Variants in MKS1 observed in about 807,000 individuals in gnomAD.
MKS1 encodes the protein tectonic-like complex member MKS1.
A neutral mutation model predicts 83.7 loss-of-function variants in MKS1; 70 were observed. The ratio of observed to expected loss-of-function variants is 0.84; its 90% CI spans 0.69 to 1.02. The LOEUF (loss-of-function observed/expected upper bound fraction) is 1.02. MKS1 is among the 50% of genes least tolerant of loss of function. The pLI is 0.00. For missense variants in MKS1, 681 were observed against 726.9 expected (o/e 0.94, Z 0.73); for synonymous variants, 251 against 273.4 (o/e 0.92, Z 0.81).
chr17:58,206,249 G>A, intron 17 of MKS1, 34 bp downstream of exon 17: 1 of 1,613,808 alleles, frequency 6.2e-7, no homozygotes, highest in Non-Finnish European at 8.5e-7. Context: ...GGCCCATGCT[G>A]ACCTGGGGTG....
At chr17:58,211,339 G>C (rs1381776916) in intron 9 of MKS1, among the ~76,000 whole-genome samples, 2 of 152,236 alleles carry the variant, frequency 1.3e-5, no homozygotes, top group Non-Finnish European at 2.9e-5. Flanking sequence ...GATGGCTGAG[G>C]TCAAGAAACC....
At chr17:58,213,997 A>G in intron 6 of MKS1, 128 bp from the exon 7 acceptor site, 1 of 977,064 alleles carries the variant, frequency 1.0e-6, no homozygotes, top group South Asian at 1.4e-5. Context: ...ACTTTCTTCC[A>G]AGTACAACTA....
At position 58,209,337 on chromosome 17, in the gene MKS1, G is replaced by T. The variant is rs1250885365; in HGVS notation, c.1025-754C>A. On this transcript the variant is annotated intron_variant, in intron 11 of 17. Coordinates refer to ENST00000393119, the MANE Select transcript of MKS1 (RefSeq NM_017777.4). This position sits in a 1 kb window ranked among gnomAD's most constrained non-coding sequence, Gnocchi z 4.1. ...CTGCTATGTGCTAGTATATCTTAGG[G>T]GTATCTTGGTAACTAGATAGAAAAG... Among the ~76,000 whole-genome samples, 1 of 152,022 alleles carries T rather than the reference G, an allele frequency of 6.6e-6. No individual in the cohort carries two copies. The highest frequency in any genetic ancestry group is 1.5e-5 in the Non-Finnish European group (1 of 68,014).
chr17:58,217,471 A>C (rs1310559072), intron 2 of MKS1, among the ~76,000 whole-genome samples: 2 of 152,204 alleles, frequency 1.3e-5, no homozygotes, highest in Non-Finnish European at 2.9e-5. Flanking sequence ...TAGGAGACCA[A>C]GTGTAAGGAG....
At chr17:58,212,131 C>A (rs1968911423) in intron 9 of MKS1, among the ~76,000 whole-genome samples, 1 of 152,194 alleles carries the variant, frequency 6.6e-6, no homozygotes, top group African/African-American at 2.4e-5. Flanking sequence ...TAATCCCACC[C>A]TCCCCAGAGA....
At chr17:58,213,651 A>C in intron 7 of MKS1, 114 bp downstream of exon 7, 1 of 806,340 alleles carries the variant, frequency 1.2e-6, no homozygotes. Context: ...TTGCCTGGGA[A>C]TGTAAAAGTT....
intron 9 of MKS1, among the ~76,000 whole-genome samples, chr17:58,211,792 C>G (rs982212060): frequency 3.3e-5 from 5 of 149,494 alleles, no homozygotes; most frequent in Non-Finnish European, 7.4e-5. Context: ...TCTCAAACTC[C>G]TGGCTTCAAG....
chr17:58,205,794 CA>C lies in MKS1; in HGVS notation c.*284del. On this transcript the variant is annotated 3_prime_UTR_variant, in exon 18 of 18. Transcript: ENST00000393119. ...GTCAAGGCCAGACTCACTATGGGGT[CA>C]CCCCAAACAGCTTCAGATCAAAAAG... 4 of 1,432,220 alleles carry C rather than the reference CA, an allele frequency of 2.8e-6. No individual in the cohort carries two copies. Among genetic ancestry groups the C allele is most frequent in the Non-Finnish European group, 3.7e-6 (4 of 1,081,424 alleles). 88.7% of individuals were successfully genotyped at this position (1,432,220 alleles called of 1,614,324 possible).
At position 58,208,088 on chromosome 17, in the gene MKS1, A is replaced by G. The variant is rs1311508931; in HGVS notation, c.1165+17T>C. The G allele has an allele frequency of 6.2e-7, 1 of 1,610,944 alleles. No individual in the cohort carries two copies. Among genetic ancestry groups the G allele is most frequent in the Non-Finnish European group, 8.5e-7 (1 of 1,177,260 alleles). On this transcript the variant is annotated intron_variant, in intron 13 of 17. Transcript: ENST00000393119. The stretch of plus-strand genomic sequence containing the variant: ...TGAGGGGAACCAAGGCCCAGGATCA[A>G]CTGCTGAGCTACTCACCAGAAGATT...
chr17:58,212,092 CT>C (rs1968909379), intron 9 of MKS1, among the ~76,000 whole-genome samples: 1 of 152,160 alleles, frequency 6.6e-6, no homozygotes, highest in East Asian at 1.9e-4. Context: ...ATATATCCCT[CT>C]CACCACCCAC....
chr17:58,207,831 T>C (rs986206136), intron 14 of MKS1, 63 bp downstream of exon 14: 22 of 1,400,048 alleles, frequency 1.6e-5, no homozygotes, highest in East Asian at 1.1e-4. Context: ...AGCATTCGAG[T>C]GTTAGTCTTG....
chr17:58,207,368 T>C, intron 14 of MKS1, 150 bp from the exon 15 acceptor site: 4 of 1,071,628 alleles, frequency 3.7e-6, no homozygotes, highest in East Asian at 2.5e-5. Context: ...TGGTTACCCA[T>C]AGCACCTGTA....
intron 9 of MKS1, among the ~76,000 whole-genome samples, chr17:58,211,522 G>A (rs1968874305): frequency 6.6e-6 from 1 of 152,174 alleles, no homozygotes; most frequent in Admixed American, 6.5e-5. Flanking sequence ...CTCTTAGAAT[G>A]AGAAAAGACA....
intron 10 of MKS1, 71 bp downstream of exon 10, chr17:58,210,909 A>G: frequency 6.5e-7 from 1 of 1,542,290 alleles, no homozygotes. Context: ...ACCAGAGTGG[A>G]GGAGACTATT....
At chr17:58,212,666 C>T (rs567705838) in intron 8 of MKS1, among the ~76,000 whole-genome samples, 7 of 152,358 alleles carry the variant, frequency 4.6e-5, no homozygotes, top group African/African-American at 1.7e-4. Flanking sequence ...GACTACTTAG[C>T]TCCTCAATCT....
At chr17:58,213,734 G>A (rs1420599250) in intron 7 of MKS1, 31 bp downstream of exon 7, 1 of 1,530,560 alleles carries the variant, frequency 6.5e-7, no homozygotes, top group African/African-American at 1.4e-5. Flanking sequence ...AGGAATGCCA[G>A]TCTCCACTAC....
intron 7 of MKS1, 73 bp downstream of exon 7, chr17:58,213,692 G>T: frequency 3.5e-6 from 4 of 1,133,360 alleles, no homozygotes; most frequent in Non-Finnish European, 5.4e-6. Flanking sequence ...TGACAGTCTA[G>T]TTGACTAGGG....
chr17:58,215,781 T>C (rs574559645), intron 4 of MKS1: 221 of 394,220 alleles, frequency 5.6e-4, no homozygotes, highest in African/African-American at 4.4e-3. Flanking sequence ...TCTTTTTTCA[T>C]GATGCATGGA....
intron 3 of MKS1, 49 bp from the exon 4 acceptor site, chr17:58,216,292 C>T: frequency 6.3e-7 from 1 of 1,584,752 alleles, no homozygotes; most frequent in East Asian, 2.2e-5. Context: ...TATAATACAT[C>T]AAACTTTTGC....
Sources: allele counts gnomAD v4.1 joint callset (sites outside exome capture counted in the v4.1 genomes callset), GRCh38; gene constraint gnomAD v4.1.1; non-coding constraint Gnocchi (gnomAD v3.1); transcripts MANE v1.5; gene names NCBI Gene and HGNC (gene_info 2026-07-23, HGNC 2026-07-21).